The following GRIA4 variants were observed in gnomAD, a reference collection of about 807,000 sequenced individuals.
The protein encoded by GRIA4 is glutamate receptor 4.
GRIA4 carries 34 observed loss-of-function variants against 104.0 expected under a neutral mutation model. The observed-to-expected ratio is 0.33, with a 90% CI of 0.25 to 0.44. The LOEUF (loss-of-function observed/expected upper bound fraction) is 0.44. GRIA4 is among the 20% of genes least tolerant of loss of function. The pLI, the probability that GRIA4 is intolerant of heterozygous loss-of-function variation, is 1.00. For missense variants in GRIA4, 750 were observed against 1,096.5 expected (o/e 0.68, Z 4.46); for synonymous variants, 386 against 381.9 (o/e 1.01, Z -0.13).
intron 14 of GRIA4, among the ~76,000 whole-genome samples, chr11:105,944,182 C>T (rs1177254513): frequency 6.6e-6 from 1 of 152,102 alleles, no homozygotes; most frequent in Non-Finnish European, 1.5e-5. Context: ...TTTCCCTGCA[C>T]ATTTTCATAA....
chr11:105,747,366 A>G (rs1033442268), intron 3 of GRIA4, among the ~76,000 whole-genome samples: 4 of 152,304 alleles, frequency 2.6e-5, no homozygotes, highest in African/African-American at 9.6e-5. Flanking sequence ...CACACAAAAT[A>G]GTATCAAATT....
At chr11:105,844,766 T>C (rs1303786822) in intron 4 of GRIA4, among the ~76,000 whole-genome samples, 2 of 152,238 alleles carry the variant, frequency 1.3e-5, no homozygotes, top group Admixed American at 1.3e-4. Context: ...TTACTGCTAC[T>C]ATTACTATTA....
At chr11:105,948,589 C>CTTTTTTTTTTTTTTTTTTTTTTTTT (rs1383366276) in intron 14 of GRIA4, among the ~76,000 whole-genome samples, 1 of 111,206 alleles carries the variant, frequency 9.0e-6, no homozygotes, top group African/African-American at 3.4e-5. Context: ...CTTTTCTTTT[C>CTTTTTTTTTTTTTTTTTTTTTTTTT]TTTTTGTTTT....
At chr11:105,670,798 C>G (rs1952336585) in intron 3 of GRIA4, among the ~76,000 whole-genome samples, 1 of 152,034 alleles carries the variant, frequency 6.6e-6, no homozygotes, top group Admixed American at 6.6e-5. Context: ...AACAAATTAC[C>G]ACAAATGTAG....
At chr11:105,758,318 G>A (rs1193865487) in intron 4 of GRIA4, among the ~76,000 whole-genome samples, 6 of 151,998 alleles carry the variant, frequency 3.9e-5, no homozygotes, top group Non-Finnish European at 8.8e-5. Flanking sequence ...AGTCAACCAC[G>A]TTCAAGGACT....
At chr11:105,867,354 G>A (rs1421799347) in intron 5 of GRIA4, among the ~76,000 whole-genome samples, 1 of 152,186 alleles carries the variant, frequency 6.6e-6, no homozygotes, top group Non-Finnish European at 1.5e-5. Flanking sequence ...TGCCTACCAT[G>A]TCTAGTACCA....
rs1244512131 is a variant in GRIA4 at position 105,924,475 on chromosome 11, T to G, written c.1553T>G (p.Met518Arg). ...GTCATTGACTTTTCTAAGCCCTTCATGAGTTTGGGCATATCTATCATGATC... is the reference window on the plus strand; with the variant it reads ...GTCATTGACTTTTCTAAGCCCTTCAGGAGTTTGGGCATATCTATCATGATC... The part of the protein sequence containing the change: ...EEVIDFSKPF[M>R]SLGISIMIKK... Residue 518 changes from methionine to arginine, a missense_variant, in exon 12 of 17, where the codon ATG becomes AGG. Physicochemically the swap from Met to Arg is moderately conservative, Grantham distance 91 (BLOSUM62 -1). This residue lies in a region of GRIA4 where 272 missense variants were observed against 524.5 expected (regional missense o/e 0.52). Coordinates refer to ENST00000282499, the MANE Select transcript of GRIA4 (RefSeq NM_000829.4). The G allele has an allele frequency of 6.2e-7, 1 of 1,612,836 alleles. No individual in the cohort carries two copies. The highest frequency in any genetic ancestry group is 8.5e-7 in the Non-Finnish European group (1 of 1,179,034).
intron 4 of GRIA4, among the ~76,000 whole-genome samples, chr11:105,784,139 G>A (rs1400437646): frequency 1.3e-5 from 2 of 152,140 alleles, no homozygotes; most frequent in Non-Finnish European, 2.9e-5. Context: ...AAACCCACCT[G>A]TGAAAAATGC....
chr11:105,970,440 G>C (rs1858626294), intron 14 of GRIA4, among the ~76,000 whole-genome samples: 1 of 152,054 alleles, frequency 6.6e-6, no homozygotes, highest in African/African-American at 2.4e-5. Flanking sequence ...CATACTATCA[G>C]GAATCCTGAT....
At chr11:105,702,306 C>G (rs1056937009) in intron 3 of GRIA4, among the ~76,000 whole-genome samples, 5 of 152,142 alleles carry the variant, frequency 3.3e-5, no homozygotes, top group African/African-American at 1.2e-4. Context: ...TAAAATAAAG[C>G]AGCTGAAAAC....
intron 3 of GRIA4, among the ~76,000 whole-genome samples, chr11:105,730,168 C>T (rs1223405336): frequency 6.6e-6 from 1 of 152,176 alleles, no homozygotes; most frequent in Non-Finnish European, 1.5e-5. Context: ...AGCTGATAAG[C>T]AACTTCAGCA....
At chr11:105,964,561 T>TATGGCAA (rs1340885676) in intron 14 of GRIA4, among the ~76,000 whole-genome samples, 65 of 152,332 alleles carry the variant, frequency 4.3e-4, no homozygotes, top group African/African-American at 1.5e-3. Context: ...TTATTTTACC[T>TATGGCAA]ATAATTCATT....
intron 11 of GRIA4, among the ~76,000 whole-genome samples, chr11:105,921,866 CA>C (rs76513029): frequency 0.19 from 28,599 of 151,654 alleles, 2,946 homozygotes; most frequent in South Asian, 0.24. Flanking sequence ...TGGAAGATAC[CA>C]AAAAGTGATA....
At chr11:105,859,785 G>T (rs994411428) in intron 4 of GRIA4, among the ~76,000 whole-genome samples, 13 of 151,980 alleles carry the variant, frequency 8.6e-5, no homozygotes, top group African/African-American at 1.2e-4. Context: ...GGAGAAAAAA[G>T]AAAAGTAATA....
intron 3 of GRIA4, among the ~76,000 whole-genome samples, chr11:105,643,861 G>A (rs2135358713): frequency 6.6e-6 from 1 of 152,262 alleles, no homozygotes; most frequent in South Asian, 2.1e-4. Flanking sequence ...TGGGACTACA[G>A]GCACAAGTCA....
At chr11:105,840,589 T>C (rs900041231) in intron 4 of GRIA4, among the ~76,000 whole-genome samples, 31 of 152,228 alleles carry the variant, frequency 2.0e-4, no homozygotes, top group African/African-American at 7.2e-4. Context: ...GGTGGCACAG[T>C]GCCATGCTGT....
chr11:105,697,162 A>G (rs1591092878), intron 3 of GRIA4, among the ~76,000 whole-genome samples: 1 of 152,188 alleles, frequency 6.6e-6, no homozygotes, highest in African/African-American at 2.4e-5. Flanking sequence ...CAAAAGGAAA[A>G]CAAGCACTTA....
At chr11:105,893,889 G>A (rs1455662679) in intron 6 of GRIA4, among the ~76,000 whole-genome samples, 1 of 152,136 alleles carries the variant, frequency 6.6e-6, no homozygotes, top group East Asian at 1.9e-4. Context: ...TTTACTAGCT[G>A]GAGATTGATG....
intron 3 of GRIA4, among the ~76,000 whole-genome samples, chr11:105,714,808 T>C (rs541768172): frequency 6.6e-6 from 1 of 151,320 alleles, no homozygotes; most frequent in Non-Finnish European, 1.5e-5. Flanking sequence ...CCCAGAAGAG[T>C]GTGTGTGTGT....
Sources: allele counts gnomAD v4.1 joint callset (sites outside exome capture counted in the v4.1 genomes callset), GRCh38; gene constraint gnomAD v4.1.1; regional missense constraint gnomAD v4.1.1; transcripts MANE v1.5; gene names NCBI Gene and HGNC (gene_info 2026-07-23, HGNC 2026-07-21).